Variants in NDST3 observed in about 807,000 individuals in gnomAD.
NDST3 encodes N-deacetylase and N-sulfotransferase 3, also known as bifunctional heparan sulfate N-deacetylase/N-sulfotransferase 3.
A neutral mutation model predicts 96.1 loss-of-function variants in NDST3; 58 were observed. The ratio of observed to expected loss-of-function variants is 0.60; its 90% CI spans 0.49 to 0.75. The LOEUF (loss-of-function observed/expected upper bound fraction) is 0.75. Among genes scored for constraint, NDST3 ranks in the 30% least tolerant of loss-of-function variants. NDST3 has a pLI of 0.00. For synonymous variants in NDST3, 333 were observed against 359.7 expected (o/e 0.93, Z 0.84); for missense variants, 788 against 1,034.2 (o/e 0.76, Z 3.27).
chr4:118,087,336 T>A (rs1728506935), intron 2 of NDST3, among the ~76,000 whole-genome samples: 1 of 152,134 alleles, frequency 6.6e-6, no homozygotes, highest in South Asian at 2.1e-4. Context: ...TGGCTACTGT[T>A]TTTGCAAGAT....
intron 2 of NDST3, among the ~76,000 whole-genome samples, chr4:118,078,668 G>C (rs1030933992): frequency 3.3e-5 from 5 of 151,150 alleles, no homozygotes. Flanking sequence ...AGAATCGTTT[G>C]AACCTGAGAG....
At chr4:118,164,177 C>A (rs1735391974) in intron 6 of NDST3, among the ~76,000 whole-genome samples, 1 of 152,132 alleles carries the variant, frequency 6.6e-6, no homozygotes, top group Admixed American at 6.6e-5. Context: ...AGAACAAAAT[C>A]ACATCCTTTG....
chr4:118,210,186 C>T (rs2125985652), intron 6 of NDST3, among the ~76,000 whole-genome samples: 1 of 152,146 alleles, frequency 6.6e-6, no homozygotes, highest in East Asian at 1.9e-4. Flanking sequence ...CACGGGAGAA[C>T]AGAGGGGTCA....
At chr4:118,100,852 T>G (rs1322473873) in intron 2 of NDST3, among the ~76,000 whole-genome samples, 1 of 152,182 alleles carries the variant, frequency 6.6e-6, no homozygotes, top group Non-Finnish European at 1.5e-5. Flanking sequence ...ACTAAGTATA[T>G]CTGATGCCTG....
At chr4:118,193,730 TTGC>T in intron 6 of NDST3, 1 of 1,361,840 alleles carries the variant, frequency 7.3e-7, no homozygotes, top group South Asian at 1.2e-5. Flanking sequence ...CTTCTCGTTG[TTGC>T]TGCCCAGTTC....
At chr4:118,177,593 G>A (rs1736354956) in intron 6 of NDST3, among the ~76,000 whole-genome samples, 1 of 151,950 alleles carries the variant, frequency 6.6e-6, no homozygotes, top group African/African-American at 2.4e-5. Context: ...CAACTATTAA[G>A]AACAATGGAG....
At chr4:118,044,212 C>T (rs887361294) in intron 1 of NDST3, among the ~76,000 whole-genome samples, 8 of 152,094 alleles carry the variant, frequency 5.3e-5, no homozygotes, top group East Asian at 1.9e-4. Flanking sequence ...AAAATTGAAA[C>T]GTAGAAATGG....
At chr4:118,217,771 T>A (rs1283974701) in intron 6 of NDST3, among the ~76,000 whole-genome samples, 2 of 151,964 alleles carry the variant, frequency 1.3e-5, no homozygotes, top group East Asian at 1.9e-4. Context: ...TAAGTTAACA[T>A]GCATCTGAGA....
At chr4:118,056,200 T>C (rs1248027770) in intron 2 of NDST3, among the ~76,000 whole-genome samples, 2 of 151,950 alleles carry the variant, frequency 1.3e-5, no homozygotes, top group Admixed American at 1.3e-4. Flanking sequence ...AATATGAATA[T>C]ATTTCTGAAG....
Position 118,177,823 on chromosome 4 carries a change from T to A in NDST3, c.1539+34139T>A, listed in dbSNP as rs1025338635. Reference sequence around the variant, plus strand: ...CTCAATGAAGAATGGAAGATTTGAATGAGTTTTCCTGGATGATCATGATTC... The same window carrying A: ...CTCAATGAAGAATGGAAGATTTGAAAGAGTTTTCCTGGATGATCATGATTC... On this transcript the variant is annotated intron_variant, in intron 6 of 13. Coordinates refer to ENST00000296499, the MANE Select transcript of NDST3 (RefSeq NM_004784.3). Among the ~76,000 whole-genome samples, 14 of 152,090 alleles carry A rather than the reference T, an allele frequency of 9.2e-5. No homozygotes were observed. The East Asian group carries it at 2.3e-3, about 25-fold the overall frequency.
intron 6 of NDST3, among the ~76,000 whole-genome samples, chr4:118,200,498 A>G (rs1028563998): frequency 2.6e-5 from 4 of 152,184 alleles, no homozygotes; most frequent in African/African-American, 9.7e-5. Flanking sequence ...CTAAAAACCA[A>G]GTCCTGAAAT....
At chr4:118,157,373 G>C (rs911640465) in intron 6 of NDST3, among the ~76,000 whole-genome samples, 18 of 151,262 alleles carry the variant, frequency 1.2e-4, no homozygotes, top group Middle Eastern at 3.2e-3. Context: ...GAAAAGTAAG[G>C]GGGTGAGTGG....
intron 8 of NDST3, among the ~76,000 whole-genome samples, chr4:118,230,646 G>A (rs758501733): frequency 1.7e-4 from 26 of 152,136 alleles, no homozygotes; most frequent in African/African-American, 6.3e-4. Context: ...CTGGGATAGG[G>A]CTGTGCTATG....
At position 118,054,173 on chromosome 4, in the gene NDST3, A is replaced by G. The variant is rs1725260758; in HGVS notation, c.263A>G (p.Tyr88Cys). 6.2e-7 allele frequency: 1 copy of G among 1,612,904 alleles called. No homozygotes were observed. The highest frequency in any genetic ancestry group is 1.3e-5 in the African/African-American group (1 of 74,790). The change falls in exon 2 of 14, where the codon TAC (tyrosine) becomes TGC (cysteine). Residue 88 changes from tyrosine (Y) to cysteine (C), a missense_variant. Tyr to Cys is a radical substitution (Grantham distance 194, BLOSUM62 -2). This residue lies in a region of NDST3 where 234 missense variants were observed against 256.9 expected (regional missense o/e 0.91). Transcript: ENST00000296499. Reference sequence around the variant, plus strand: ...GTCCTAGTATTTGTAGAGAGCCAGTACTCATCTCTTGGTCAAGACATCATT... The same window carrying G: ...GTCCTAGTATTTGTAGAGAGCCAGTGCTCATCTCTTGGTCAAGACATCATT... ...PTVLVFVESQ[Y>C]SSLGQDIIMI...
intron 6 of NDST3, among the ~76,000 whole-genome samples, chr4:118,185,851 G>T (rs1446770297): frequency 6.6e-6 from 1 of 152,108 alleles, no homozygotes; most frequent in African/African-American, 2.4e-5. Context: ...TATGTATAGA[G>T]AACCCTTTAG....
chr4:118,100,089 T>A (rs559007068), intron 2 of NDST3, among the ~76,000 whole-genome samples: 1 of 152,032 alleles, frequency 6.6e-6, no homozygotes, highest in Non-Finnish European at 1.5e-5. Context: ...ATTTGAGGTG[T>A]GTCCGTGGGA....
intron 4 of NDST3, among the ~76,000 whole-genome samples, chr4:118,123,042 A>T (rs1731737461): frequency 6.6e-6 from 1 of 152,194 alleles, no homozygotes; most frequent in Non-Finnish European, 1.5e-5. Flanking sequence ...TCTCATAATC[A>T]AAATGTTATT....
intron 6 of NDST3, 144 bp downstream of exon 6, chr4:118,143,828 A>G (rs982448226): frequency 1.2e-6 from 1 of 819,632 alleles, no homozygotes. Context: ...ACTAAATGGA[A>G]CCACATCTAG....
At chr4:118,203,685 A>G (rs1313027214) in intron 6 of NDST3, among the ~76,000 whole-genome samples, 1 of 152,188 alleles carries the variant, frequency 6.6e-6, no homozygotes, top group Admixed American at 6.5e-5. Context: ...AATTACCTTT[A>G]GTAAGATTTT....
Sources: gnomAD v4.1 joint callset for allele counts (sites outside exome capture counted in the v4.1 genomes callset) on GRCh38, gnomAD v4.1.1 for gene constraint, gnomAD v4.1.1 regional missense constraint, MANE v1.5 for transcripts, NCBI Gene and HGNC (gene_info 2026-07-23, HGNC 2026-07-21) for gene names.